Variants in COL19A1 observed in about 807,000 individuals in gnomAD.
The protein encoded by COL19A1 is collagen type XIX alpha 1 chain.
A neutral mutation model predicts 190.2 loss-of-function variants in COL19A1; 159 were observed. The ratio of observed to expected loss-of-function variants is 0.84; its 90% CI spans 0.73 to 0.95. The LOEUF (loss-of-function observed/expected upper bound fraction) is 0.95. COL19A1 is among the 40% of genes least tolerant of loss of function. COL19A1 has a pLI of 0.00. For missense variants in COL19A1, 1,418 were observed against 1,431.9 expected (o/e 0.99, Z 0.16); for synonymous variants, 509 against 458.9 (o/e 1.11, Z -1.39).
intron 40 of COL19A1, among the ~76,000 whole-genome samples, chr6:70,169,590 T>C (rs1765381764): frequency 1.3e-5 from 2 of 152,166 alleles, no homozygotes; most frequent in African/African-American, 4.8e-5. Flanking sequence ...AAAGAGCTGT[T>C]TGATTTTGTT....
chr6:69,934,910 G>A (rs371970611), intron 7 of COL19A1, among the ~76,000 whole-genome samples: 1 of 151,640 alleles, frequency 6.6e-6, no homozygotes, highest in African/African-American at 2.4e-5. Context: ...TTTCTTTTTT[G>A]TTGCAAAATG....
intron 2 of COL19A1, chr6:69,891,007 T>C (rs1769308517): frequency 5.8e-6 from 2 of 342,526 alleles, no homozygotes; most frequent in Admixed American, 2.9e-5. Flanking sequence ...TAAGGGTTCC[T>C]AGCAGAAGGG....
intron 2 of COL19A1, among the ~76,000 whole-genome samples, chr6:69,893,766 G>A (rs1479364436): frequency 6.6e-6 from 1 of 152,072 alleles, no homozygotes; most frequent in African/African-American, 2.4e-5. Context: ...CTAACAGCCA[G>A]GTACCCTTTT....
At chr6:70,150,423 A>G (rs1243896215) in intron 30 of COL19A1, among the ~76,000 whole-genome samples, 4 of 152,152 alleles carry the variant, frequency 2.6e-5, no homozygotes, top group South Asian at 2.1e-4. Context: ...TGCCTACAAT[A>G]TGGTATAGAT....
intron 40 of COL19A1, among the ~76,000 whole-genome samples, chr6:70,170,585 A>G (rs995920508): frequency 6.6e-6 from 1 of 152,146 alleles, no homozygotes; most frequent in Admixed American, 6.6e-5. Context: ...TTGATTGAGC[A>G]CCTCTGTCTT....
chr6:70,174,593 T>C (rs538140168), intron 41 of COL19A1, among the ~76,000 whole-genome samples: 1 of 151,812 alleles, frequency 6.6e-6, no homozygotes, highest in East Asian at 1.9e-4. Flanking sequence ...GGACTACATG[T>C]GCTTTTCCAG....
At chr6:69,901,252 G>T (rs998659500) in intron 4 of COL19A1, among the ~76,000 whole-genome samples, 3 of 152,202 alleles carry the variant, frequency 2.0e-5, no homozygotes, top group Non-Finnish European at 4.4e-5. Flanking sequence ...AGATTGTGGA[G>T]AATCTCAAAA....
chr6:69,947,644 C>G (rs1264320249), intron 9 of COL19A1, among the ~76,000 whole-genome samples: 2 of 151,728 alleles, frequency 1.3e-5, no homozygotes, highest in Admixed American at 6.6e-5. Context: ...GTGTCATTAT[C>G]TAGAAGGCCA....
rs1029688213 is a variant in COL19A1 at position 70,190,380 on chromosome 6, A to C, written c.3093A>C (p.Glu1031Asp). 1 of 1,589,950 alleles carries C rather than the reference A, an allele frequency of 6.3e-7. No homozygotes were observed. The highest frequency in any genetic ancestry group is 1.3e-5 in the African/African-American group (1 of 74,228). ...YINQEVLRIF[E>D]ERMAVFLSQL... ...ATCAAGAGGTCCTAAGGATTTTTGA[A>C]GGTTAGATTTTCTTAATAACATTTT... Residue 1031 changes from glutamate to aspartate, a missense_variant and splice_region_variant, in exon 48 of 51, where the codon GAA (glutamate) becomes GAC (aspartate). Transcript: ENST00000620364.
chr6:69,993,917 A>G (rs1582631561), intron 11 of COL19A1, among the ~76,000 whole-genome samples: 2 of 149,124 alleles, frequency 1.3e-5, no homozygotes, highest in African/African-American at 4.9e-5. Context: ...GGTTTTGTTG[A>G]TCTTTTGTAT....
chr6:70,027,318 G>T (rs1778780646), intron 12 of COL19A1, among the ~76,000 whole-genome samples: 1 of 152,118 alleles, frequency 6.6e-6, no homozygotes, highest in Admixed American at 6.5e-5. Flanking sequence ...CACAAAATGG[G>T]CCAGCTCACT....
rs1472884194 is a variant in COL19A1 at position 70,145,131 on chromosome 6, T to A, written c.1770+124T>A. On this transcript the variant is annotated intron_variant, in intron 25 of 50. Coordinates refer to ENST00000620364, the MANE Select transcript of COL19A1 (RefSeq NM_001858.6). ...GTCTGCAAAAAAAGGAAAAAAGAAC[T>A]TAAAACAGAACTACCATTTGACCTA... is the stretch of plus-strand genomic sequence containing the variant. The A allele has an allele frequency of 6.8e-6, 5 of 732,014 alleles. No homozygotes were observed. The East Asian group carries it at 1.1e-4, about 16-fold the overall frequency. The allele number at this position is 732,014 out of a possible 1,614,324, so 45.3% of individuals were successfully genotyped here. A position where few individuals can be genotyped will look rare whatever the true frequency, so the allele number is the denominator to read the frequency against.
intron 47 of COL19A1, among the ~76,000 whole-genome samples, 172 bp from the exon 48 acceptor site, chr6:70,190,143 T>C (rs921974149): frequency 6.6e-6 from 1 of 152,226 alleles, no homozygotes; most frequent in African/African-American, 2.4e-5. Flanking sequence ...CTTCCCAGAA[T>C]TTGGTCAAAG....
chr6:70,197,081 T>C lies in COL19A1; in HGVS notation c.3095-2527T>C, dbSNP rs1583147656. Reference sequence around the variant, plus strand: ...AGAGGAAAAATTAGTACTGTGAATATTTGTGTTTCGACATTGAAGGTATTT... The same window carrying C: ...AGAGGAAAAATTAGTACTGTGAATACTTGTGTTTCGACATTGAAGGTATTT... On this transcript the variant is annotated intron_variant, in intron 48 of 50. Transcript: ENST00000620364. Among the ~76,000 whole-genome samples the C allele has an allele frequency of 2.0e-5, 3 of 152,184 alleles. No individual in the cohort carries two copies. The South Asian group carries it at 6.2e-4, about 32-fold the overall frequency.
At chr6:69,921,234 T>C (rs1771746240) in intron 4 of COL19A1, among the ~76,000 whole-genome samples, 1 of 132,182 alleles carries the variant, frequency 7.6e-6, no homozygotes, top group African/African-American at 2.8e-5. Context: ...ATATGTATTA[T>C]ATATCCATAT....
rs185705631 is a variant in COL19A1, at chr6:70,152,393, C to T, written c.2079+955C>T. Among the ~76,000 whole-genome samples, 21 of 152,096 alleles carry T rather than the reference C, an allele frequency of 1.4e-4. 1 individual carries two copies. In the East Asian group the frequency reaches 2.9e-3, roughly 21 times the overall value. ...CAAAAGACTCGAGTTCCGGCATATACATTTGTAAGGTAGAGTTTTGAGAAT... is the reference window on the plus strand; with the variant it reads ...CAAAAGACTCGAGTTCCGGCATATATATTTGTAAGGTAGAGTTTTGAGAAT... On this transcript the variant is annotated intron_variant, in intron 31 of 50. Coordinates refer to ENST00000620364, the MANE Select transcript of COL19A1 (RefSeq NM_001858.6).
intron 15 of COL19A1, among the ~76,000 whole-genome samples, chr6:70,093,062 C>T (rs975976663): frequency 6.6e-5 from 10 of 152,118 alleles, no homozygotes; most frequent in African/African-American, 2.4e-4. Flanking sequence ...TCTAAACCTA[C>T]AAACATAACA....
At chr6:70,199,869 A>G in intron 49 of COL19A1, 133 bp downstream of exon 49, 2 of 802,972 alleles carry the variant, frequency 2.5e-6, no homozygotes, top group Non-Finnish European at 3.8e-6. Context: ...TATATGCAAT[A>G]TATAAAATGG....
intron 14 of COL19A1, 46 bp from the exon 15 acceptor site, chr6:70,068,377 G>C: frequency 8.9e-7 from 1 of 1,129,432 alleles, no homozygotes; most frequent in Non-Finnish European, 1.4e-6. Context: ...TGTGAGGCAG[G>C]TGTACTTGAA....
Sources: allele counts gnomAD v4.1 joint callset (sites outside exome capture counted in the v4.1 genomes callset), GRCh38; gene constraint gnomAD v4.1.1; transcripts MANE v1.5; gene names NCBI Gene and HGNC (gene_info 2026-07-23, HGNC 2026-07-21).